The following CHD6 variants were observed in gnomAD, a reference collection of about 807,000 sequenced individuals.
CHD6 encodes the protein chromodomain helicase DNA binding protein 6.
In CHD6, 50 loss-of-function variants were observed where a neutral mutation model predicts 276.9. That is an observed-to-expected ratio of 0.18 (90% CI 0.14 to 0.23). The LOEUF is 0.23. CHD6 is among the 10% of genes least tolerant of loss of function. The pLI, the probability that CHD6 is intolerant of heterozygous loss-of-function variation, is 1.00. For missense variants in CHD6, 2,564 were observed against 3,365.8 expected, an observed-to-expected ratio of 0.76 and a Z score of 5.89; for synonymous variants, 1,173 against 1,229.3, an observed-to-expected ratio of 0.95 and a Z score of 0.96.
chr20:41,439,907 AG>A (rs1252886976), intron 26 of CHD6, 92 bp downstream of exon 26: 1 of 1,317,248 alleles, frequency 7.6e-7, no homozygotes, highest in East Asian at 2.3e-5. Flanking sequence ...CCAGATGCTG[AG>A]GAAGAGATAA....
intron 1 of CHD6, among the ~76,000 whole-genome samples, chr20:41,606,707 C>A (rs2045833611): frequency 6.6e-6 from 1 of 151,834 alleles, no homozygotes. Flanking sequence ...CCTAGTCAGT[C>A]CACTGCAATA....
intron 2 of CHD6, among the ~76,000 whole-genome samples, chr20:41,538,823 C>T (rs2044885339): frequency 6.6e-6 from 1 of 152,116 alleles, no homozygotes; most frequent in East Asian, 1.9e-4. Context: ...CTTTCTCATA[C>T]CAGAAGTGGA....
At chr20:41,533,701 T>C (rs2044749617) in intron 2 of CHD6, 131 bp from the exon 3 acceptor site, 3 of 819,090 alleles carry the variant, frequency 3.7e-6, no homozygotes, top group Admixed American at 2.9e-5. Flanking sequence ...TAGTTCCTAT[T>C]GTGCTAGGCC....
chr20:41,615,404 T>C (rs1468542856), intron 1 of CHD6, among the ~76,000 whole-genome samples: 3 of 152,100 alleles, frequency 2.0e-5, no homozygotes, highest in African/African-American at 7.2e-5. Flanking sequence ...TGGCTATCAT[T>C]TTATGTATTT....
At chr20:41,425,148 G>T in intron 29 of CHD6, 30 bp downstream of exon 29, 1 of 1,587,748 alleles carries the variant, frequency 6.3e-7, no homozygotes, top group South Asian at 1.1e-5. Context: ...GTGGGTGGCT[G>T]AGCATGCCCC....
intron 1 of CHD6, among the ~76,000 whole-genome samples, chr20:41,612,427 A>G (rs2045895883): frequency 6.6e-6 from 1 of 152,230 alleles, no homozygotes; most frequent in Non-Finnish European, 1.5e-5. Flanking sequence ...AAGTGATATT[A>G]TACCAGGTTT....
rs781569479 is a variant in CHD6 at position 41,420,567 on chromosome 20, T to C, written c.6068A>G (p.Glu2023Gly). 1 of 1,614,122 alleles carries C rather than the reference T, an allele frequency of 6.2e-7. No individual in the cohort carries two copies. ...ATCTTTATTCTCAAAATCCATGTCT[T>C]CTGATTTGAGCTCACTTCCTTCAAG... ...YPLEGSELKS[E>G]DMDFENKDDY... is the part of the protein sequence containing the mutation. Residue 2023 changes from glutamate (E) to glycine (G), a missense_variant, in exon 31 of 37, where the codon GAA becomes GGA. Glu to Gly is a moderately conservative substitution (Grantham distance 98, BLOSUM62 -2). Around this residue, in one of 7 missense-constraint regions of CHD6, gnomAD observed 1,024 missense variants for 1,047.9 expected, o/e 0.98. Transcript: ENST00000373233.
intron 16 of CHD6, among the ~76,000 whole-genome samples, chr20:41,477,953 G>C (rs1339071113): frequency 6.6e-6 from 1 of 152,200 alleles, no homozygotes; most frequent in Non-Finnish European, 1.5e-5. Flanking sequence ...AGTTAAAAGT[G>C]AATGTACCAT....
intron 27 of CHD6, among the ~76,000 whole-genome samples, chr20:41,426,396 G>A (rs183873741): frequency 1.3e-5 from 2 of 152,224 alleles, no homozygotes; most frequent in East Asian, 3.9e-4. Flanking sequence ...GCTTCTGCCT[G>A]TAGAGAATCG....
At chr20:41,547,799 T>C (rs536361353) in intron 2 of CHD6, 6 of 513,324 alleles carry the variant, frequency 1.2e-5, no homozygotes, top group South Asian at 7.3e-5. Context: ...GAGAACTCTC[T>C]GGAACTATTA....
At chr20:41,509,684 GA>G (rs900357325) in intron 5 of CHD6, among the ~76,000 whole-genome samples, 8 of 152,102 alleles carry the variant, frequency 5.3e-5, no homozygotes, top group Non-Finnish European at 8.8e-5. Context: ...CAAACTGCAG[GA>G]GGCAAAAACT....
intron 2 of CHD6, among the ~76,000 whole-genome samples, chr20:41,549,214 T>C (rs1384650701): frequency 6.6e-6 from 1 of 152,048 alleles, no homozygotes; most frequent in Non-Finnish European, 1.5e-5. Context: ...TGTGGCACTA[T>C]TCACAATAGC....
intron 4 of CHD6, among the ~76,000 whole-genome samples, chr20:41,513,773 A>ACAAAAG (rs1301804858): frequency 6.6e-6 from 1 of 152,192 alleles, no homozygotes; most frequent in African/African-American, 2.4e-5. Context: ...ATCTTAAAAA[A>ACAAAAG]CAAAAGCAAA....
chr20:41,422,783 A>G (rs760440424), intron 30 of CHD6, among the ~76,000 whole-genome samples: 8 of 152,218 alleles, frequency 5.3e-5, no homozygotes, highest in Non-Finnish European at 1.2e-4. Context: ...TCCAAGGTCC[A>G]CCATCTTTCC....
intron 16 of CHD6, among the ~76,000 whole-genome samples, chr20:41,482,233 G>A (rs1465628631): frequency 4.6e-5 from 7 of 152,108 alleles, no homozygotes; most frequent in African/African-American, 1.7e-4. Context: ...TCTGGCAATA[G>A]GCTCCTAATC....
rs765205195 is a variant in CHD6, at chr20:41,447,854, T to C, written c.3773+28A>G. 14 of 1,517,018 alleles carry C rather than the reference T, an allele frequency of 9.2e-6. 1 individual carries two copies. In the South Asian group the frequency reaches 1.6e-4, roughly 17 times the overall value. The allele number at this position is 1,517,018 out of a possible 1,614,324, so 94.0% of individuals were successfully genotyped here. ...GGCATTTTATGTCAATTCTTTAACG[T>C]TGATATGTTAAGTTTCATTTGCTTT... On this transcript the variant is annotated intron_variant, in intron 24 of 36. Transcript: ENST00000373233.
chr20:41,478,116 C>T (rs1294595698), intron 16 of CHD6, among the ~76,000 whole-genome samples: 1 of 152,048 alleles, frequency 6.6e-6, no homozygotes, highest in East Asian at 1.9e-4. Context: ...GAAGGGTCCC[C>T]AATGAAAATG....
intron 17 of CHD6, among the ~76,000 whole-genome samples, chr20:41,461,378 C>T (rs1425267843): frequency 6.6e-6 from 1 of 152,152 alleles, no homozygotes; most frequent in African/African-American, 2.4e-5. Flanking sequence ...CAAATATCAA[C>T]TTGAATTGTA....
chr20:41,484,908 G>A (rs2043376419), intron 14 of CHD6, among the ~76,000 whole-genome samples: 1 of 152,098 alleles, frequency 6.6e-6, no homozygotes, highest in East Asian at 1.9e-4. Context: ...ATGTCTCTCT[G>A]TCATTCTTTC....
Sources: allele counts gnomAD v4.1 joint callset (sites outside exome capture counted in the v4.1 genomes callset), GRCh38; gene constraint gnomAD v4.1.1; regional missense constraint gnomAD v4.1.1; transcripts MANE v1.5; gene names NCBI Gene and HGNC (gene_info 2026-07-23, HGNC 2026-07-21).